OR2L13: variants seen among roughly 807,000 people sequenced by gnomAD.
OR2L13 encodes olfactory receptor 2L13.
A neutral mutation model predicts 15.3 loss-of-function variants in OR2L13; 14 were observed. The ratio of observed to expected loss-of-function variants is 0.91; its 90% CI spans 0.60 to 1.43. OR2L13 has a LOEUF of 1.43. Ranked by LOEUF, OR2L13 falls within the 40% of genes most tolerant of loss-of-function variation. OR2L13 has a pLI of 0.00. For missense variants in OR2L13, 367 were observed against 387.9 expected (o/e 0.95, Z 0.45); for synonymous variants, 152 against 142.9 (o/e 1.06, Z -0.45).
chr1:247,971,725 A>G, the OR2L13 span, among the ~76,000 whole-genome samples: 1 of 152,198 alleles, frequency 6.6e-6, no homozygotes, highest in South Asian at 2.1e-4. Context: ...CTGAAAATTT[A>G]CAAGGATATT....
At chr1:248,001,281 G>A in the OR2L13 span, among the ~76,000 whole-genome samples, 3 of 152,050 alleles carry the variant, frequency 2.0e-5, no homozygotes, top group Admixed American at 2.0e-4. Flanking sequence ...GTGCCAATAT[G>A]TGGAGAGAGT....
chr1:247,945,497 C>T, the OR2L13 span, among the ~76,000 whole-genome samples: 2 of 152,058 alleles, frequency 1.3e-5, no homozygotes, highest in African/African-American at 4.8e-5. Flanking sequence ...ATGGAGAGTC[C>T]TGTAGATATC....
the OR2L13 span, among the ~76,000 whole-genome samples, chr1:248,028,140 C>CAAAAAA: frequency 0.024 from 908 of 37,768 alleles, 94 homozygotes; most frequent in African/African-American, 0.048. Context: ...GATTCCGTCT[C>CAAAAAA]AAAAAAAAAA....
At chr1:248,090,402 A>C (rs1242424897), upstream of OR2L13, among the ~76,000 whole-genome samples, 1 of 152,102 alleles carries the variant, frequency 6.6e-6, no homozygotes. Flanking sequence ...TGCAGGTAAT[A>C]AGCATAGTAC....
the OR2L13 span, chr1:247,948,878 A>G: frequency 1.9e-6 from 3 of 1,608,696 alleles, no homozygotes; most frequent in African/African-American, 2.7e-5. Flanking sequence ...ACAATCAAAC[A>G]TCAACTGATT....
chr1:247,991,373 A>G, the OR2L13 span, among the ~76,000 whole-genome samples: 8 of 149,464 alleles, frequency 5.4e-5, 1 homozygote, highest in South Asian at 1.5e-3. Flanking sequence ...TAAGACACCT[A>G]TTTTGGTTTT....
chr1:248,096,091 G>C (rs1230278810), upstream of OR2L13, among the ~76,000 whole-genome samples: 1 of 151,960 alleles, frequency 6.6e-6, no homozygotes, highest in Non-Finnish European at 1.5e-5. Flanking sequence ...AATTGAAAAA[G>C]AAGGCTGGGC....
chr1:248,033,320 G>A, the OR2L13 span, among the ~76,000 whole-genome samples: 35 of 152,206 alleles, frequency 2.3e-4, no homozygotes, highest in South Asian at 5.8e-3. Flanking sequence ...TTCAAACACC[G>A]TTTGTTGAAA....
At chr1:247,966,467 C>T in the OR2L13 span, 1 of 923,176 alleles carries the variant, frequency 1.1e-6, no homozygotes, top group Non-Finnish European at 1.6e-6. Flanking sequence ...CAATAGAATT[C>T]AGGCTTCTTA....
At chr1:248,070,897 A>T in the OR2L13 span, among the ~76,000 whole-genome samples, 1 of 152,244 alleles carries the variant, frequency 6.6e-6, no homozygotes, top group Non-Finnish European at 1.5e-5. Flanking sequence ...AAATTCCTCG[A>T]CACATACACC....
chr1:247,955,017 A>G, the OR2L13 span, among the ~76,000 whole-genome samples: 2 of 152,080 alleles, frequency 1.3e-5, no homozygotes, highest in East Asian at 3.9e-4. Flanking sequence ...TTACATATGT[A>G]TACATGTGCC....
the OR2L13 span, among the ~76,000 whole-genome samples, chr1:248,068,676 G>A: frequency 1.1e-4 from 17 of 152,240 alleles, no homozygotes; most frequent in South Asian, 1.7e-3. Context: ...AAACTACTCC[G>A]AGCTACAGGA....
chr1:247,967,182 A>T, the OR2L13 span, among the ~76,000 whole-genome samples: 6 of 152,084 alleles, frequency 3.9e-5, no homozygotes, highest in African/African-American at 1.2e-4. Flanking sequence ...GACACAATGC[A>T]CATCATCCAT....
the OR2L13 span, among the ~76,000 whole-genome samples, chr1:247,954,412 C>T: frequency 6.6e-6 from 1 of 152,148 alleles, no homozygotes. Flanking sequence ...GACTTAATCT[C>T]TGCTATTTTG....
the OR2L13 span, among the ~76,000 whole-genome samples, chr1:248,035,226 G>A: frequency 1.3e-5 from 2 of 151,820 alleles, no homozygotes; most frequent in Admixed American, 6.6e-5. Context: ...CGAGATGGGC[G>A]GATCACGAGG....
At chr1:248,051,944 A>G in the OR2L13 span, among the ~76,000 whole-genome samples, 1 of 152,172 alleles carries the variant, frequency 6.6e-6, no homozygotes, top group Non-Finnish European at 1.5e-5. Flanking sequence ...CACATTGTAA[A>G]TTGAGGAATA....
the OR2L13 span, among the ~76,000 whole-genome samples, chr1:248,079,682 A>G: frequency 6.6e-6 from 1 of 152,192 alleles, no homozygotes; most frequent in Non-Finnish European, 1.5e-5. Flanking sequence ...ACAATACCTA[A>G]TCTGTCACTG....
the OR2L13 span, chr1:248,046,876 T>C: frequency 6.6e-6 from 1 of 152,176 alleles, no homozygotes; most frequent in African/African-American, 2.4e-5. Context: ...GAGGAAATAA[T>C]AAAGGTACTA....
the OR2L13 span, chr1:247,975,133 TC>T: frequency 2.5e-6 from 1 of 394,544 alleles, no homozygotes; most frequent in South Asian, 2.3e-5. Flanking sequence ...CTCTCCACTA[TC>T]CCATCCATAT....
Sources: allele counts gnomAD v4.1 joint callset (sites outside exome capture counted in the v4.1 genomes callset), GRCh38; gene constraint gnomAD v4.1.1; transcripts MANE v1.5; gene names NCBI Gene and HGNC (gene_info 2026-07-23, HGNC 2026-07-21).